The following CNTNAP5 variants were observed in gnomAD, a reference collection of about 807,000 sequenced individuals.
CNTNAP5 encodes the protein contactin-associated protein-like 5.
A neutral mutation model predicts 150.2 loss-of-function variants in CNTNAP5; 72 were observed. That is an observed-to-expected ratio of 0.48 (90% CI 0.40 to 0.58). CNTNAP5 has a LOEUF of 0.58. CNTNAP5 is among the 20% of genes least tolerant of loss of function. The pLI is 0.00. For synonymous variants in CNTNAP5, 672 were observed against 619.8 expected, an observed-to-expected ratio of 1.08 and a Z score of -1.25; for missense variants, 1,636 against 1,626.2, an observed-to-expected ratio of 1.01 and a Z score of -0.10.
At chr2:124,309,867 C>T (rs781097987) in intron 3 of CNTNAP5, among the ~76,000 whole-genome samples, 2 of 152,182 alleles carry the variant, frequency 1.3e-5, no homozygotes, top group Non-Finnish European at 2.9e-5. Context: ...TTCTATTCCA[C>T]GGATTTATCT....
chr2:124,718,837 C>T (rs1420555605), intron 13 of CNTNAP5, among the ~76,000 whole-genome samples: 4 of 151,692 alleles, frequency 2.6e-5, no homozygotes, highest in Non-Finnish European at 4.4e-5. Flanking sequence ...CCCAGCTACT[C>T]GGGATGCTGA....
rs1460598645 is a variant in CNTNAP5 at position 124,838,019 on chromosome 2, C to A, written c.3218-27287C>A. 3.4e-4 allele frequency among the ~76,000 whole-genome samples: 52 copies of A among 152,118 alleles called. 1 individual carries two copies. The South Asian group carries it at 0.01, about 30-fold the overall frequency. Reference sequence around the variant, plus strand: ...TTTAACAATGACAAAAATAATGACACAGAGGATCAAGCCTAAGCTGACTAG... The same window carrying A: ...TTTAACAATGACAAAAATAATGACAAAGAGGATCAAGCCTAAGCTGACTAG... On this transcript the variant is annotated intron_variant, in intron 19 of 23. Coordinates refer to ENST00000682447, the MANE Select transcript of CNTNAP5 (RefSeq NM_001367498.1).
At chr2:124,489,065 C>G (rs1573408475) in intron 7 of CNTNAP5, among the ~76,000 whole-genome samples, 1 of 152,194 alleles carries the variant, frequency 6.6e-6, no homozygotes, top group African/African-American at 2.4e-5. Flanking sequence ...GTTTAAAGTT[C>G]ACAATGAACT....
chr2:124,649,669 G>A (rs955405302), intron 13 of CNTNAP5, among the ~76,000 whole-genome samples: 1 of 152,156 alleles, frequency 6.6e-6, no homozygotes, highest in African/African-American at 2.4e-5. Flanking sequence ...GCTTGATGCT[G>A]TCATTTACCA....
intron 14 of CNTNAP5, among the ~76,000 whole-genome samples, chr2:124,762,460 C>T (rs1434723807): frequency 6.6e-6 from 1 of 152,034 alleles, no homozygotes; most frequent in African/African-American, 2.4e-5. Flanking sequence ...TGCCTGGGGC[C>T]ACAGAGTAGT....
rs1163074806 is a variant in CNTNAP5, at chr2:124,529,305, T to G, written c.1649+1849T>G. Among the ~76,000 whole-genome samples the G allele has an allele frequency of 1.1e-4, 16 of 152,298 alleles. 1 individual carries two copies. The East Asian group carries it at 2.9e-3, about 28-fold the overall frequency. On this transcript the variant is annotated intron_variant, in intron 10 of 23. Transcript: ENST00000682447. ...TCAACAGGGGTCTCTTATGCTACCT[T>G]AATTTTTAATCAAGCAAGCTCTCAT...
rs903413251 is a variant in CNTNAP5 at position 124,730,233 on chromosome 2, G to A, written c.2078-16996G>A. Among the ~76,000 whole-genome samples the A allele has an allele frequency of 3.3e-5, 5 of 151,962 alleles. No homozygotes were observed. The South Asian group carries it at 1.0e-3, about 32-fold the overall frequency. On this transcript the variant is annotated intron_variant, in intron 13 of 23. Transcript: ENST00000682447. ...ATCTTAGGTAAAAAATGTGTCTTTA[G>A]GGAAACTGTATTGCAGTTATTATTA... is the stretch of plus-strand genomic sequence containing the variant.
At chr2:124,490,923 C>T (rs1337223990) in intron 7 of CNTNAP5, among the ~76,000 whole-genome samples, 1 of 151,938 alleles carries the variant, frequency 6.6e-6, no homozygotes, top group Non-Finnish European at 1.5e-5. Context: ...ATGTGGTATG[C>T]ATTATATTTC....
At chr2:124,600,598 G>A (rs1304070400) in intron 11 of CNTNAP5, among the ~76,000 whole-genome samples, 1 of 152,098 alleles carries the variant, frequency 6.6e-6, no homozygotes, top group Non-Finnish European at 1.5e-5. Context: ...GCTATGCAAG[G>A]AAAGGAATTC....
rs1401109893 is a variant in CNTNAP5 at position 124,706,859 on chromosome 2, A to G, written c.2078-40370A>G. On this transcript the variant is annotated intron_variant, in intron 13 of 23. Transcript: ENST00000682447. ...GAGGGGGAGGAAGGAGGAGGAGGAG[A>G]AGGAGAAGGGGAAAGGGAAGAAGAA... 3.8e-4 allele frequency among the ~76,000 whole-genome samples: 48 copies of G among 125,552 alleles called. 6 individuals are homozygous for G. Among genetic ancestry groups the G allele is most frequent in the Non-Finnish European group, 4.9e-4 (29 of 58,918 alleles). The allele number at this position is 125,552 out of a possible 152,430, so 82.4% of individuals were successfully genotyped here. A position where few individuals can be genotyped will look rare whatever the true frequency, so the allele number is the denominator to read the frequency against.
chr2:124,837,093 G>A (rs1382166248), intron 19 of CNTNAP5, among the ~76,000 whole-genome samples: 1 of 151,700 alleles, frequency 6.6e-6, no homozygotes, highest in Non-Finnish European at 1.5e-5. Context: ...GAGTATGTGA[G>A]GGACAGGAAT....
At chr2:124,163,307 G>A (rs1254874617) in intron 1 of CNTNAP5, among the ~76,000 whole-genome samples, 1 of 152,122 alleles carries the variant, frequency 6.6e-6, no homozygotes, top group Non-Finnish European at 1.5e-5. Flanking sequence ...GTGACATGCT[G>A]CCTCCAGCCC....
rs1407804918 is a variant in CNTNAP5, at chr2:124,409,585, AG to A, written c.382-7857del. On this transcript the variant is annotated intron_variant, in intron 3 of 23. Transcript: ENST00000682447. ...GGGGGCCAATATTCAACATTCTTAAAGAAAAGAATTTTCAACCCAGAATTTC... is the reference window on the plus strand; with the variant it reads ...GGGGGCCAATATTCAACATTCTTAAAAAAAGAATTTTCAACCCAGAATTTC... Among the ~76,000 whole-genome samples the A allele has an allele frequency of 3.3e-3, 334 of 99,956 alleles. 1 individual carries two copies. Among genetic ancestry groups the A allele is most frequent in the Admixed American group, 5.5e-3 (49 of 8,898 alleles). 65.6% of individuals were successfully genotyped at this position (99,956 alleles called of 152,430 possible).
At chr2:124,284,266 A>G (rs1187224704) in intron 3 of CNTNAP5, among the ~76,000 whole-genome samples, 1 of 152,166 alleles carries the variant, frequency 6.6e-6, no homozygotes, top group Non-Finnish European at 1.5e-5. Context: ...TTTCAAATAT[A>G]AAACAAGTCT....
chr2:124,417,665 T>C lies in CNTNAP5; in HGVS notation c.529+75T>C, dbSNP rs139541946. 3.0e-6 allele frequency: 4 copies of C among 1,346,186 alleles called. No individual in the cohort carries two copies. In the African/African-American group the frequency reaches 5.8e-5, roughly 20 times the overall value. The allele number at this position is 1,346,186 out of a possible 1,614,324, so 83.4% of individuals were successfully genotyped here. A position where few individuals can be genotyped will look rare whatever the true frequency, so the allele number is the denominator to read the frequency against. On this transcript the variant is annotated intron_variant, in intron 4 of 23. Transcript: ENST00000682447. ...CCTACGTAACATCAGTTTATCTACA[T>C]TGAGATTGACAATCATCTTATTTTA...
intron 1 of CNTNAP5, among the ~76,000 whole-genome samples, chr2:124,065,760 T>C (rs1221982437): frequency 6.6e-6 from 1 of 152,102 alleles, no homozygotes; most frequent in Admixed American, 6.6e-5. Context: ...CCTCCTCTCA[T>C]GGTTGGTGTT....
intron 14 of CNTNAP5, among the ~76,000 whole-genome samples, chr2:124,750,433 C>T (rs975349869): frequency 6.6e-6 from 1 of 152,108 alleles, no homozygotes; most frequent in African/African-American, 2.4e-5. Context: ...CATTCATTGT[C>T]TTAGTGCAAG....
At chr2:124,698,319 C>T (rs768791281) in intron 13 of CNTNAP5, among the ~76,000 whole-genome samples, 38 of 151,294 alleles carry the variant, frequency 2.5e-4, no homozygotes, top group Admixed American at 1.5e-3. Flanking sequence ...TCTGCAGATA[C>T]TCAGAGATGC....
At chr2:124,627,026 G>T (rs1677738734) in intron 12 of CNTNAP5, among the ~76,000 whole-genome samples, 1 of 152,142 alleles carries the variant, frequency 6.6e-6, no homozygotes, top group Non-Finnish European at 1.5e-5. Flanking sequence ...CACTGGAGAG[G>T]GCCTCCCTGT....
Sources: gnomAD v4.1 joint callset for allele counts (sites outside exome capture counted in the v4.1 genomes callset) on GRCh38, gnomAD v4.1.1 for gene constraint, MANE v1.5 for transcripts, NCBI Gene and HGNC (gene_info 2026-07-23, HGNC 2026-07-21) for gene names.